The following CUL1 variants were observed in gnomAD, a reference collection of about 807,000 sequenced individuals.
CUL1 encodes cullin-1.
A neutral mutation model predicts 118.0 loss-of-function variants in CUL1; 24 were observed. That is an observed-to-expected ratio of 0.20 (90% CI 0.15 to 0.29). The LOEUF (loss-of-function observed/expected upper bound fraction) is 0.29. Among genes scored for constraint, CUL1 ranks in the 10% least tolerant of loss-of-function variants. The probability of loss-of-function intolerance (pLI) is 1.00; values close to 1 mark genes in which losing one functional copy is unlikely to be tolerated. For synonymous variants in CUL1, 332 were observed against 340.4 expected (o/e 0.98, Z 0.27); for missense variants, 361 against 933.8 (o/e 0.39, Z 7.99).
At chr7:148,761,137 G>C (rs528040908) in intron 7 of CUL1, among the ~76,000 whole-genome samples, 6 of 152,144 alleles carry the variant, frequency 3.9e-5, no homozygotes, top group Non-Finnish European at 8.8e-5. Context: ...AAAGTGCTGG[G>C]ATTACAGATG....
chr7:148,767,340 TG>T (rs1800039467), intron 8 of CUL1, among the ~76,000 whole-genome samples: 1 of 151,978 alleles, frequency 6.6e-6, no homozygotes, highest in Admixed American at 6.6e-5. Context: ...TTTTTTTTTT[TG>T]CTTAGTCTTA....
chr7:148,778,090 AAAAAAAAGAAG>A (rs1208751924), intron 9 of CUL1, among the ~76,000 whole-genome samples: 1 of 128,508 alleles, frequency 7.8e-6, no homozygotes, highest in Admixed American at 7.6e-5. Context: ...AAAAAAAAAA[AAAAAAAAGAAG>A]AAGAAGAAGA....
chr7:148,746,553 T>A (rs1169171418), intron 2 of CUL1, among the ~76,000 whole-genome samples: 1 of 152,202 alleles, frequency 6.6e-6, no homozygotes, highest in Non-Finnish European at 1.5e-5. Context: ...ACATACTTAG[T>A]GGCTCGGAGG....
At chr7:148,726,198 A>G (rs1798577010) in intron 1 of CUL1, among the ~76,000 whole-genome samples, 1 of 152,226 alleles carries the variant, frequency 6.6e-6, no homozygotes, top group Admixed American at 6.5e-5. Flanking sequence ...AGAATAGAGA[A>G]TATGTAAAGA....
Position 148,759,566 on chromosome 7 carries a change from A to G in CUL1, c.553A>G (p.Lys185Glu). 1.2e-6 allele frequency: 2 copies of G among 1,609,708 alleles called. No individual in the cohort carries two copies. Among genetic ancestry groups the G allele is most frequent in the Non-Finnish European group, 1.7e-6 (2 of 1,176,640 alleles). ...TCTAAAGGTAACAAATGCTGTTTTAAAGCTGATTGAAAAGGAAAGGAATGG... is the reference window on the plus strand; with the variant it reads ...TCTAAAGGTAACAAATGCTGTTTTAGAGCTGATTGAAAAGGAAAGGAATGG... ...LNKQVTNAVLKLIEKERNGET... is the reference protein window; with the variant it reads ...LNKQVTNAVLELIEKERNGET... Residue 185 changes from lysine (K) to glutamate (E), a missense_variant, in exon 6 of 22, where the codon AAG becomes GAG. Physicochemically the swap from Lys to Glu is moderately conservative, Grantham distance 56. Around this residue, in one of 7 missense-constraint regions of CUL1, gnomAD observed 169 missense variants for 429.7 expected, o/e 0.39. Coordinates refer to ENST00000325222, the MANE Select transcript of CUL1 (RefSeq NM_003592.3).
intron 1 of CUL1, among the ~76,000 whole-genome samples, chr7:148,728,956 A>G (rs1258960614): frequency 6.6e-6 from 1 of 152,174 alleles, no homozygotes; most frequent in African/African-American, 2.4e-5. Context: ...TCCCAATAAC[A>G]TTTGCTTTAT....
upstream of CUL1, chr7:148,697,794 C>G (rs149575861): frequency 9.4e-4 from 143 of 152,372 alleles, no homozygotes; most frequent in African/African-American, 3.4e-3. Context: ...GGGGTTCCAC[C>G]ACGCTTCCTC....
chr7:148,792,805 C>G lies in CUL1; in HGVS notation c.1886C>G (p.Thr629Ser). ...AYTVQQLTDS[T>S]QIKMDILAQV... ...ACTGTGCAGCAGCTGACCGACAGCA[C>G]TCAAATTAAAATGGTATTCTCATCT... is the stretch of plus-strand genomic sequence containing the variant. The change falls in exon 17 of 22, where the codon ACT becomes AGT. Residue 629 changes from threonine (T) to serine (S), a missense_variant. Transcript: ENST00000325222. The G allele has an allele frequency of 6.2e-7, 1 of 1,611,582 alleles. No homozygotes were observed. Among genetic ancestry groups the G allele is most frequent in the Non-Finnish European group, 8.5e-7 (1 of 1,178,530 alleles).
intron 1 of CUL1, among the ~76,000 whole-genome samples, chr7:148,725,209 A>G (rs76700613): frequency 0.26 from 37,030 of 139,778 alleles, 5,309 homozygotes; most frequent in South Asian, 0.41. Flanking sequence ...ACACACACAC[A>G]CACGCGCGCG....
intron 2 of CUL1, among the ~76,000 whole-genome samples, chr7:148,735,252 C>G (rs1798900548): frequency 6.6e-6 from 1 of 152,184 alleles, no homozygotes; most frequent in Admixed American, 6.5e-5. Context: ...ACTTTTTCAC[C>G]CGAGTCAATC....
At chr7:148,742,898 C>G (rs997819267) in intron 2 of CUL1, among the ~76,000 whole-genome samples, 3 of 152,078 alleles carry the variant, frequency 2.0e-5, no homozygotes, top group African/African-American at 7.2e-5. Context: ...GCCATCATGC[C>G]CAACTCTTTC....
intron 1 of CUL1, among the ~76,000 whole-genome samples, chr7:148,711,395 C>A (rs1390809879): frequency 6.6e-6 from 1 of 152,142 alleles, no homozygotes; most frequent in Non-Finnish European, 1.5e-5. Flanking sequence ...TCACTGTGAG[C>A]CTTGAGTGGT....
At chr7:148,714,524 T>TA (rs1379843141) in intron 1 of CUL1, among the ~76,000 whole-genome samples, 1 of 152,148 alleles carries the variant, frequency 6.6e-6, no homozygotes, top group East Asian at 1.9e-4. Flanking sequence ...AAGGAAAACT[T>TA]AAAAATGAAT....
In CUL1 at chr7:148,783,831, A is replaced by G; in HGVS notation, c.1132A>G (p.Asn378Asp). ...AGTGCTTGATGTTCATAAAAAATACAATGCCCTGGTAATGTCTGCATTCAA... is the reference window on the plus strand; with the variant it reads ...AGTGCTTGATGTTCATAAAAAATACGATGCCCTGGTAATGTCTGCATTCAA... The part of the protein sequence containing the change: ...QTVLDVHKKY[N>D]ALVMSAFNND... Residue 378 changes from asparagine to aspartate, a missense_variant, in exon 10 of 22, where the codon AAT becomes GAT. Physicochemically the swap from Asn to Asp is conservative, Grantham distance 23. Around this residue, in one of 7 missense-constraint regions of CUL1, gnomAD observed 169 missense variants for 429.7 expected, o/e 0.39. Coordinates refer to ENST00000325222, the MANE Select transcript of CUL1 (RefSeq NM_003592.3). 1 of 1,614,220 alleles carries G rather than the reference A, an allele frequency of 6.2e-7. No homozygotes were observed. The highest frequency in any genetic ancestry group is 8.5e-7 in the Non-Finnish European group (1 of 1,180,044).
intron 1 of CUL1, among the ~76,000 whole-genome samples, chr7:148,712,225 T>C (rs920361424): frequency 6.6e-6 from 1 of 152,238 alleles, no homozygotes; most frequent in African/African-American, 2.4e-5. Context: ...CAGCATCCCA[T>C]TCATTCACTA....
intron 2 of CUL1, among the ~76,000 whole-genome samples, chr7:148,734,721 A>G (rs1326275452): frequency 6.6e-6 from 1 of 152,130 alleles, no homozygotes; most frequent in South Asian, 2.1e-4. Flanking sequence ...TGCTGGCTAG[A>G]GGAGAGGTAT....
chr7:148,766,717 A>C lies in CUL1; in HGVS notation c.946A>C (p.Asn316His). The change falls in exon 8 of 22, where the codon AAT becomes CAT. Residue 316 changes from asparagine to histidine, a missense_variant. Asn to His is a moderately conservative substitution (Grantham distance 68). Transcript: ENST00000325222. ...TCAGAATTTATTGGATGCTGACAAA[A>C]ATGAAGGTGAGCCACAAGACTCATA... ...EFQNLLDADK[N>H]EDLGRMYNLV... The C allele has an allele frequency of 6.2e-7, 1 of 1,611,236 alleles. No individual in the cohort carries two copies. The highest frequency in any genetic ancestry group is 2.2e-5 in the East Asian group (1 of 44,832).
intron 2 of CUL1, among the ~76,000 whole-genome samples, chr7:148,735,770 G>A (rs767671655): frequency 6.6e-5 from 10 of 152,204 alleles, no homozygotes; most frequent in East Asian, 1.9e-4. Flanking sequence ...GTGTGTGTGT[G>A]TATATATATG....
chr7:148,726,675 C>A (rs1798594832), intron 1 of CUL1, among the ~76,000 whole-genome samples: 1 of 152,080 alleles, frequency 6.6e-6, no homozygotes, highest in Non-Finnish European at 1.5e-5. Flanking sequence ...AGTTTGATTG[C>A]TTCTTTGAAT....
Sources: gnomAD v4.1 joint callset for allele counts (sites outside exome capture counted in the v4.1 genomes callset) on GRCh38, gnomAD v4.1.1 for gene constraint, gnomAD v4.1.1 regional missense constraint, MANE v1.5 for transcripts, NCBI Gene and HGNC (gene_info 2026-07-23, HGNC 2026-07-21) for gene names.